EFCAB11: variants seen among roughly 807,000 people sequenced by gnomAD.
EFCAB11 encodes the protein EF-hand calcium-binding domain-containing protein 11.
In EFCAB11, 14 loss-of-function variants were observed where a neutral mutation model predicts 23.0. That is an observed-to-expected ratio of 0.61 (90% CI 0.40 to 0.95). The LOEUF (loss-of-function observed/expected upper bound fraction) is 0.95. Ranked by LOEUF, EFCAB11 falls within the 40% of genes least tolerant of loss-of-function variation. The probability of loss-of-function intolerance (pLI) is 0.00; values close to 1 mark genes in which losing one functional copy is unlikely to be tolerated. For missense variants in EFCAB11, 198 were observed against 195.8 expected (o/e 1.01, Z -0.07); for synonymous variants, 65 against 66.6 (o/e 0.98, Z 0.11).
At chr14:89,895,913 T>A (rs528355126) in intron 5 of EFCAB11, among the ~76,000 whole-genome samples, 10 of 152,194 alleles carry the variant, frequency 6.6e-5, no homozygotes, top group African/African-American at 2.2e-4. Context: ...AGAACACATA[T>A]AAAGAACACA....
chr14:89,863,663 T>C (rs1477811602), intron 5 of EFCAB11, among the ~76,000 whole-genome samples: 1 of 152,234 alleles, frequency 6.6e-6, no homozygotes, highest in Non-Finnish European at 1.5e-5. Context: ...TCCCCAGCAA[T>C]GGGGATGCAC....
intron 3 of EFCAB11, among the ~76,000 whole-genome samples, chr14:89,943,162 A>C (rs1240943301): frequency 2.0e-5 from 3 of 152,184 alleles, no homozygotes; most frequent in Non-Finnish European, 4.4e-5. Flanking sequence ...TTCCCAAGTC[A>C]CAGCTGTATT....
At chr14:89,910,349 G>C (rs1279827447) in intron 5 of EFCAB11, among the ~76,000 whole-genome samples, 1 of 152,186 alleles carries the variant, frequency 6.6e-6, no homozygotes, top group Non-Finnish European at 1.5e-5. Context: ...TGTAATCCCA[G>C]CACTTTGGGA....
At chr14:89,802,036 G>A (rs1370333651) in intron 5 of EFCAB11, among the ~76,000 whole-genome samples, 1 of 151,840 alleles carries the variant, frequency 6.6e-6, no homozygotes, top group Non-Finnish European at 1.5e-5. Context: ...CTCACAAGGA[G>A]TAAATGTTTC....
intron 1 of EFCAB11, 67 bp downstream of exon 1, chr14:89,954,519 C>T (rs1215347939): frequency 2.5e-6 from 4 of 1,589,868 alleles, no homozygotes; most frequent in East Asian, 4.6e-5. Context: ...GACCCAGACA[C>T]GGGAGAGGAA....
chr14:89,909,924 A>G (rs1438170459), intron 5 of EFCAB11, among the ~76,000 whole-genome samples: 1 of 152,104 alleles, frequency 6.6e-6, no homozygotes, highest in African/African-American at 2.4e-5. Flanking sequence ...GCCGGCTATC[A>G]CTTCTCTGAT....
chr14:89,875,335 G>T (rs1308146253), intron 5 of EFCAB11, among the ~76,000 whole-genome samples: 1 of 152,148 alleles, frequency 6.6e-6, no homozygotes, highest in African/African-American at 2.4e-5. Context: ...ACCTCCCACT[G>T]GGTCCCTCCC....
intron 3 of EFCAB11, among the ~76,000 whole-genome samples, chr14:89,944,062 C>T (rs558690209): frequency 6.6e-6 from 1 of 152,346 alleles, no homozygotes; most frequent in East Asian, 1.9e-4. Context: ...GCAATAGTCA[C>T]ACTTGATGTA....
chr14:89,862,145 T>G (rs1216301020), intron 5 of EFCAB11, among the ~76,000 whole-genome samples: 1 of 152,112 alleles, frequency 6.6e-6, no homozygotes, highest in Non-Finnish European at 1.5e-5. Flanking sequence ...AGCAGAAGGG[T>G]CTCCACAAAT....
intron 5 of EFCAB11, among the ~76,000 whole-genome samples, chr14:89,916,404 C>T (rs1364877519): frequency 2.0e-5 from 3 of 152,284 alleles, no homozygotes; most frequent in Non-Finnish European, 2.9e-5. Context: ...AGCCATCTGA[C>T]AGAGTTTAAA....
chr14:89,934,405 C>T (rs1890505991), intron 3 of EFCAB11, among the ~76,000 whole-genome samples: 1 of 152,076 alleles, frequency 6.6e-6, no homozygotes, highest in African/African-American at 2.4e-5. Context: ...AAGAATATCC[C>T]GTAGATTCTG....
chr14:89,835,643 T>TGTGTGTGTGTG (rs1491344939), intron 5 of EFCAB11, among the ~76,000 whole-genome samples: 141 of 138,868 alleles, frequency 1.0e-3, no homozygotes, highest in South Asian at 2.0e-3. Flanking sequence ...TGTGTGTGTG[T>TGTGTGTGTGTG]TTGAGACGTT....
chr14:89,950,612 ATT>A (rs1050166226), intron 2 of EFCAB11, among the ~76,000 whole-genome samples: 7 of 152,318 alleles, frequency 4.6e-5, no homozygotes, highest in Middle Eastern at 3.4e-3. Flanking sequence ...AATGAAAATC[ATT>A]GTTATCATTT....
At chr14:89,935,172 T>C (rs1355755582) in intron 3 of EFCAB11, among the ~76,000 whole-genome samples, 3 of 152,146 alleles carry the variant, frequency 2.0e-5, no homozygotes, top group African/African-American at 4.8e-5. Flanking sequence ...CATGCAATCA[T>C]AGAAGTGATT....
intron 5 of EFCAB11, among the ~76,000 whole-genome samples, chr14:89,901,678 C>T (rs530015257): frequency 4.2e-4 from 64 of 152,230 alleles, no homozygotes; most frequent in African/African-American, 1.5e-3. Flanking sequence ...CTCTTCATTT[C>T]CCTGTAAGGT....
chr14:89,882,436 C>A (rs1472228728), intron 5 of EFCAB11, among the ~76,000 whole-genome samples: 2 of 152,156 alleles, frequency 1.3e-5, no homozygotes, highest in Admixed American at 1.3e-4. Flanking sequence ...GAAACTCCTA[C>A]AAAAGGAAGC....
chr14:89,826,821 A>G (rs145380109), intron 5 of EFCAB11, among the ~76,000 whole-genome samples: 13 of 152,248 alleles, frequency 8.5e-5, no homozygotes, highest in African/African-American at 3.1e-4. Flanking sequence ...CCCTTAAGTT[A>G]CTAGCTTCAG....
chr14:89,908,769 T>C (rs1002160300), intron 5 of EFCAB11, among the ~76,000 whole-genome samples: 1 of 152,084 alleles, frequency 6.6e-6, no homozygotes, highest in Non-Finnish European at 1.5e-5. Context: ...AGATCAATTG[T>C]GAAGTATCTA....
In EFCAB11 at chr14:89,846,870, A is replaced by G. The variant is rs73318860; in HGVS notation, c.411-49546T>C. ...CCTAAAAAGCCCAATCCTGACGTCAATCCAGTCATAATTCTTCTACCAGGC... is the reference window on the plus strand; with the variant it reads ...CCTAAAAAGCCCAATCCTGACGTCAGTCCAGTCATAATTCTTCTACCAGGC... On this transcript the variant is annotated intron_variant, in intron 5 of 5. Coordinates refer to ENST00000316738, the MANE Select transcript of EFCAB11 (RefSeq NM_145231.4). Among the ~76,000 whole-genome samples the G allele has an allele frequency of 2.3e-3, 348 of 152,278 alleles. 2 individuals carry two copies. The highest frequency in any genetic ancestry group is 8.1e-3 in the African/African-American group (336 of 41,560).
Sources: allele counts gnomAD v4.1 joint callset (sites outside exome capture counted in the v4.1 genomes callset), GRCh38; gene constraint gnomAD v4.1.1; transcripts MANE v1.5; gene names NCBI Gene and HGNC (gene_info 2026-07-23, HGNC 2026-07-21).